Variants in ULK4 observed in about 807,000 individuals in gnomAD.
ULK4 encodes the protein unc-51 like kinase 4.
Under a neutral mutation model 160.6 loss-of-function variants are expected in ULK4, and 133 were observed. The ratio of observed to expected loss-of-function variants is 0.83; its 90% confidence interval spans 0.72 to 0.96. ULK4 has a LOEUF of 0.96. ULK4 is among the 40% of genes least tolerant of loss of function. The probability of loss-of-function intolerance (pLI) is 0.00; values close to 1 mark genes in which losing one functional copy is unlikely to be tolerated. For missense variants in ULK4, 1,580 were observed against 1,499.5 expected (o/e 1.05, Z -0.89); for synonymous variants, 534 against 539.8 (o/e 0.99, Z 0.15).
At chr3:41,659,793 G>C (rs968254568) in intron 30 of ULK4, among the ~76,000 whole-genome samples, 1 of 151,980 alleles carries the variant, frequency 6.6e-6, no homozygotes, top group Non-Finnish European at 1.5e-5. Context: ...TTCATTATTT[G>C]CAATTACACA....
chr3:41,721,177 A>G (rs1264831225), intron 22 of ULK4, among the ~76,000 whole-genome samples: 1 of 149,976 alleles, frequency 6.7e-6, no homozygotes, highest in Non-Finnish European at 1.5e-5. Flanking sequence ...AGAGGGATAA[A>G]TAAGCTAATA....
At chr3:41,459,257 A>G (rs1365419749) in intron 33 of ULK4, among the ~76,000 whole-genome samples, 1 of 147,672 alleles carries the variant, frequency 6.8e-6, no homozygotes. Context: ...TAGAGACAAG[A>G]TTTCACCATG....
rs181572607 is a variant in ULK4 at position 41,435,647 on chromosome 3, A to G, written c.3492+19850T>C. Among the ~76,000 whole-genome samples, 23 of 152,290 alleles carry G rather than the reference A, an allele frequency of 1.5e-4. No homozygotes were observed. The South Asian group carries it at 1.7e-3, about 11-fold the overall frequency. ...AAATGGAAAATGCATGTAACCAACT[A>G]CCTTAAGAATACAGACAGGCTGGGT... On this transcript the variant is annotated intron_variant, in intron 34 of 36. Coordinates refer to ENST00000301831, the MANE Select transcript of ULK4 (RefSeq NM_017886.4).
chr3:41,728,306 T>C (rs2037717497), intron 22 of ULK4, among the ~76,000 whole-genome samples: 1 of 152,176 alleles, frequency 6.6e-6, no homozygotes, highest in Admixed American at 6.5e-5. Context: ...ATTGGGCAGC[T>C]GCATCTGGCA....
chr3:41,249,589 G>A lies in ULK4; in HGVS notation c.3679-15C>T, dbSNP rs896738241. 8.1e-6 allele frequency: 13 copies of A among 1,612,152 alleles called. No individual in the cohort carries two copies. The highest frequency in any genetic ancestry group is 1.1e-5 in the Non-Finnish European group (13 of 1,179,148). On this transcript the variant is annotated splice_polypyrimidine_tract_variant and intron_variant, in intron 35 of 36. Coordinates refer to ENST00000301831, the MANE Select transcript of ULK4 (RefSeq NM_017886.4). ...TTGGAGGTGATCTGCAAGGGCAGGA[G>A]GAAGAAGACAGTGGTCAGCTGACCC...
Position 41,932,122 on chromosome 3 carries a change from T to C in ULK4, c.379-116A>G, listed in dbSNP as rs1054286691. ...CAGCATTGCTATTCTTTATCAGAAC[T>C]CAGAAAAATAAATGCTTATAATTTT... On this transcript the variant is annotated intron_variant, in intron 4 of 36. Transcript: ENST00000301831. The C allele has an allele frequency of 5.9e-6, 5 of 846,720 alleles. No homozygotes were observed. In the African/African-American group the frequency reaches 6.9e-5, roughly 12 times the overall value. 52.5% of individuals were successfully genotyped at this position (846,720 alleles called of 1,614,324 possible). A position where few individuals can be genotyped will look rare whatever the true frequency, so the allele number is the denominator to read the frequency against.
chr3:41,491,831 T>C (rs1018479994), intron 32 of ULK4, among the ~76,000 whole-genome samples: 3 of 151,952 alleles, frequency 2.0e-5, no homozygotes, highest in Non-Finnish European at 2.9e-5. Flanking sequence ...GCTGCACCCA[T>C]TAACTCGTCA....
chr3:41,546,920 T>C (rs1220355174), intron 32 of ULK4, among the ~76,000 whole-genome samples: 2 of 152,168 alleles, frequency 1.3e-5, no homozygotes, highest in African/African-American at 2.4e-5. Context: ...AGGTCAGCTA[T>C]CATTTGTATT....
At chr3:41,959,687 C>A (rs1344185465) in intron 1 of ULK4, among the ~76,000 whole-genome samples, 2 of 151,896 alleles carry the variant, frequency 1.3e-5, no homozygotes, top group Non-Finnish European at 2.9e-5. Context: ...GTCTGTAATC[C>A]CAACGCTTTC....
intron 30 of ULK4, among the ~76,000 whole-genome samples, chr3:41,638,093 T>C (rs746359282): frequency 6.6e-6 from 1 of 152,198 alleles, no homozygotes; most frequent in Non-Finnish European, 1.5e-5. Flanking sequence ...AGTTCAAAGA[T>C]ATACCAATTT....
chr3:41,824,213 C>T (rs1440378452), intron 18 of ULK4, among the ~76,000 whole-genome samples: 1 of 149,948 alleles, frequency 6.7e-6, no homozygotes, highest in Non-Finnish European at 1.5e-5. Context: ...ATAGGAACAG[C>T]TCCAGTCTAC....
chr3:41,573,456 G>C (rs1220735387), intron 31 of ULK4, among the ~76,000 whole-genome samples: 2 of 152,142 alleles, frequency 1.3e-5, no homozygotes, highest in Non-Finnish European at 2.9e-5. Context: ...GTTTGGTAAG[G>C]ATCTAAATAG....
At chr3:41,609,654 C>G (rs1038219872) in intron 31 of ULK4, among the ~76,000 whole-genome samples, 2 of 152,128 alleles carry the variant, frequency 1.3e-5, no homozygotes, top group Non-Finnish European at 2.9e-5. Context: ...CTTCCTAAGT[C>G]AAGCATTTTG....
At chr3:41,546,892 T>C (rs1331864480) in intron 32 of ULK4, among the ~76,000 whole-genome samples, 1 of 152,084 alleles carries the variant, frequency 6.6e-6, no homozygotes, top group African/African-American at 2.4e-5. Flanking sequence ...TCTTCTGGCC[T>C]CTGCTGATTT....
intron 32 of ULK4, among the ~76,000 whole-genome samples, chr3:41,550,743 C>T (rs2087032109): frequency 6.6e-6 from 1 of 151,864 alleles, no homozygotes; most frequent in Non-Finnish European, 1.5e-5. Flanking sequence ...GAAAAATCAA[C>T]AACAAAACAC....
In ULK4 at chr3:41,631,826, T is replaced by C. The variant is rs554090016; in HGVS notation, c.3072-16109A>G. Among the ~76,000 whole-genome samples the C allele has an allele frequency of 3.1e-3, 475 of 152,160 alleles. 2 individuals are homozygous for C. The highest frequency in any genetic ancestry group is 5.4e-3 in the Non-Finnish European group (370 of 67,988). On this transcript the variant is annotated intron_variant, in intron 30 of 36. Transcript: ENST00000301831. ...AAGCACCTCTGACTCCTTCCAACCCTGGTTGCTATGATGTGGTTGCAAGTC... is the reference window on the plus strand; with the variant it reads ...AAGCACCTCTGACTCCTTCCAACCCCGGTTGCTATGATGTGGTTGCAAGTC...
At chr3:41,295,636 C>T (rs368052185) in intron 35 of ULK4, among the ~76,000 whole-genome samples, 1 of 105,908 alleles carries the variant, frequency 9.4e-6, no homozygotes, top group African/African-American at 3.3e-5. Flanking sequence ...TAACAGACAC[C>T]TCACCAAAGA....
chr3:41,269,177 T>C (rs2079096491), intron 35 of ULK4, among the ~76,000 whole-genome samples: 1 of 152,122 alleles, frequency 6.6e-6, no homozygotes, highest in Non-Finnish European at 1.5e-5. Flanking sequence ...AAAAGATGTG[T>C]GATGAGCAGG....
intron 32 of ULK4, among the ~76,000 whole-genome samples, chr3:41,551,538 T>C (rs75652363): frequency 6.6e-6 from 1 of 151,820 alleles, no homozygotes; most frequent in East Asian, 1.9e-4. Flanking sequence ...GACAAATTCC[T>C]AGGCATATAC....
Sources: allele counts gnomAD v4.1 joint callset (sites outside exome capture counted in the v4.1 genomes callset), GRCh38; gene constraint gnomAD v4.1.1; transcripts MANE v1.5; gene names NCBI Gene and HGNC (gene_info 2026-07-23, HGNC 2026-07-21).